ALCAM: variants seen among roughly 807,000 people sequenced by gnomAD.
ALCAM encodes activated leukocyte cell adhesion molecule.
A neutral mutation model predicts 70.9 loss-of-function variants in ALCAM; 30 were observed. That is an observed-to-expected ratio of 0.42 (90% confidence interval 0.32 to 0.57). The LOEUF (loss-of-function observed/expected upper bound fraction) is 0.57. Ranked by LOEUF, ALCAM falls within the 20% of genes least tolerant of loss-of-function variation. ALCAM has a pLI of 0.11. For missense variants in ALCAM, 591 were observed against 695.1 expected, an observed-to-expected ratio of 0.85 and a Z score of 1.68; for synonymous variants, 249 against 242.5, an observed-to-expected ratio of 1.03 and a Z score of -0.25.
At chr3:105,467,157 G>T (rs953035982) in intron 1 of ALCAM, among the ~76,000 whole-genome samples, 1 of 151,190 alleles carries the variant, frequency 6.6e-6, no homozygotes, top group Non-Finnish European at 1.5e-5. Context: ...ACATAGGCTA[G>T]TATGAAAAGT....
At chr3:105,480,355 A>C (rs1248041190) in intron 1 of ALCAM, among the ~76,000 whole-genome samples, 3 of 108,470 alleles carry the variant, frequency 2.8e-5, no homozygotes, top group Non-Finnish European at 4.4e-5. Context: ...TTGTCTCAAT[A>C]AATAAATAAA....
chr3:105,382,144 G>C (rs1935538562), intron 1 of ALCAM, among the ~76,000 whole-genome samples: 1 of 134,706 alleles, frequency 7.4e-6, no homozygotes, highest in Non-Finnish European at 1.5e-5. Context: ...CTGTGTCCAT[G>C]TGTTCTCATT....
At chr3:105,571,368 G>A (rs952707776) in intron 14 of ALCAM, among the ~76,000 whole-genome samples, 30 of 152,132 alleles carry the variant, frequency 2.0e-4, no homozygotes, top group Non-Finnish European at 4.4e-5. Flanking sequence ...CAATAATCTG[G>A]TTGTTGTTGT....
intron 1 of ALCAM, chr3:105,513,370 T>G (rs1939292448): frequency 6.6e-6 from 1 of 151,944 alleles, no homozygotes; most frequent in African/African-American, 2.4e-5. Context: ...AATGTAAGTC[T>G]AGATCTGTGT....
rs546809540 is a variant in ALCAM, at chr3:105,450,755, A to G, written c.74-69312A>G. 4.0e-4 allele frequency among the ~76,000 whole-genome samples: 61 copies of G among 152,304 alleles called. No individual in the cohort carries two copies. In the South Asian group the frequency reaches 0.012, roughly 31 times the overall value. On this transcript the variant is annotated intron_variant, in intron 1 of 15. Coordinates refer to ENST00000306107, the MANE Select transcript of ALCAM (RefSeq NM_001627.4). ...TTTGTAGAGAAAACGAAGAAAACATATAATTCACTAAATAATGATAATATC... is the reference window on the plus strand; with the variant it reads ...TTTGTAGAGAAAACGAAGAAAACATGTAATTCACTAAATAATGATAATATC...
intron 1 of ALCAM, among the ~76,000 whole-genome samples, chr3:105,471,136 G>T (rs943813654): frequency 6.6e-6 from 1 of 151,230 alleles, no homozygotes; most frequent in Admixed American, 6.6e-5. Context: ...TCAACTTATT[G>T]GTTTATCGTC....
intron 1 of ALCAM, among the ~76,000 whole-genome samples, chr3:105,387,338 A>G (rs1252956502): frequency 1.3e-5 from 2 of 151,358 alleles, no homozygotes; most frequent in African/African-American, 2.4e-5. Context: ...TTTTTGTTGC[A>G]TGTTTACTTT....
intron 11 of ALCAM, among the ~76,000 whole-genome samples, chr3:105,548,302 T>C (rs1363035976): frequency 1.3e-5 from 2 of 151,332 alleles, no homozygotes; most frequent in African/African-American, 4.8e-5. Flanking sequence ...GTTGCTGACA[T>C]ACTTGCTAAT....
chr3:105,452,088 T>A (rs1405294397), intron 1 of ALCAM, among the ~76,000 whole-genome samples: 3 of 151,358 alleles, frequency 2.0e-5, no homozygotes, highest in Non-Finnish European at 3.0e-5. Context: ...AATAATTTTT[T>A]TTCATTTTTT....
intron 1 of ALCAM, among the ~76,000 whole-genome samples, chr3:105,448,807 T>A (rs1171114132): frequency 6.6e-6 from 1 of 152,168 alleles, no homozygotes; most frequent in Non-Finnish European, 1.5e-5. Context: ...ACAGACATCT[T>A]TTGATGATGA....
chr3:105,555,116 T>C (rs1940489550), intron 14 of ALCAM, among the ~76,000 whole-genome samples: 1 of 151,958 alleles, frequency 6.6e-6, no homozygotes, highest in Non-Finnish European at 1.5e-5. Context: ...ATTAAAATGA[T>C]GGATAAATAT....
rs188812422 is a variant in ALCAM, at chr3:105,433,794, T to A, written c.73+66313T>A. On this transcript the variant is annotated intron_variant, in intron 1 of 15. Coordinates refer to ENST00000306107, the MANE Select transcript of ALCAM (RefSeq NM_001627.4). ...ATATGCACACTCTCAGACAAGCTGATATACTGAACACTGGATTATAGACAG... is the reference window on the plus strand; with the variant it reads ...ATATGCACACTCTCAGACAAGCTGAAATACTGAACACTGGATTATAGACAG... Among the ~76,000 whole-genome samples the A allele has an allele frequency of 2.7e-5, 4 of 148,464 alleles. No individual in the cohort carries two copies. In the East Asian group the frequency reaches 6.0e-4, roughly 22 times the overall value.
At chr3:105,546,829 A>G (rs1481534958) in intron 9 of ALCAM, among the ~76,000 whole-genome samples, 2 of 151,376 alleles carry the variant, frequency 1.3e-5, no homozygotes, top group Admixed American at 1.3e-4. Flanking sequence ...AATTCCTGAC[A>G]TAATAGGATT....
intron 1 of ALCAM, among the ~76,000 whole-genome samples, chr3:105,384,666 T>A (rs1056723933): frequency 2.2e-4 from 33 of 151,594 alleles, no homozygotes; most frequent in Non-Finnish European, 4.1e-4. Context: ...TACAACACAT[T>A]ACCACTGATA....
At chr3:105,554,674 C>T (rs1400593056) in intron 14 of ALCAM, among the ~76,000 whole-genome samples, 3 of 152,046 alleles carry the variant, frequency 2.0e-5, no homozygotes, top group Middle Eastern at 3.4e-3. Flanking sequence ...ATAGAAAATT[C>T]GGAAGACCTG....
At chr3:105,381,031 C>T (rs1489089110) in intron 1 of ALCAM, among the ~76,000 whole-genome samples, 1 of 151,804 alleles carries the variant, frequency 6.6e-6, no homozygotes, top group African/African-American at 2.4e-5. Context: ...CTCCAGTTTC[C>T]CAGTTGGGTG....
intron 1 of ALCAM, among the ~76,000 whole-genome samples, chr3:105,506,770 G>A (rs901211167): frequency 2.0e-5 from 3 of 152,234 alleles, no homozygotes; most frequent in East Asian, 3.8e-4. Context: ...AAAATGGAAA[G>A]ATGAACCAAA....
intron 1 of ALCAM, among the ~76,000 whole-genome samples, chr3:105,461,299 C>T (rs1003327209): frequency 1.3e-5 from 2 of 151,788 alleles, no homozygotes; most frequent in African/African-American, 4.8e-5. Context: ...TTCAATGTCA[C>T]ATGAATATCT....
chr3:105,481,563 A>T (rs539821710), intron 1 of ALCAM, among the ~76,000 whole-genome samples: 1 of 152,320 alleles, frequency 6.6e-6, no homozygotes, highest in South Asian at 2.1e-4. Flanking sequence ...ATGGTATGTC[A>T]TTTTAAATCA....
Sources: allele counts gnomAD v4.1 joint callset (sites outside exome capture counted in the v4.1 genomes callset), GRCh38; gene constraint gnomAD v4.1.1; transcripts MANE v1.5; gene names NCBI Gene and HGNC (gene_info 2026-07-23, HGNC 2026-07-21).